ZNF423: variants seen among roughly 807,000 people sequenced by gnomAD.
ZNF423 encodes zinc finger protein 423.
ZNF423 carries 12 observed loss-of-function variants against 95.8 expected under a neutral mutation model. That is an observed-to-expected ratio of 0.13 (90% CI 0.08 to 0.20). The LOEUF is 0.20. Among genes scored for constraint, ZNF423 ranks in the 10% least tolerant of loss-of-function variants. The pLI, the probability that ZNF423 is intolerant of heterozygous loss-of-function variation, is 1.00. For synonymous variants in ZNF423, 749 were observed against 711.9 expected (o/e 1.05, Z -0.83); for missense variants, 1,316 against 1,737.1 (o/e 0.76, Z 4.31).
chr16:49,709,427 C>G (rs929836953), intron 3 of ZNF423, among the ~76,000 whole-genome samples: 2 of 151,850 alleles, frequency 1.3e-5, no homozygotes, highest in African/African-American at 4.8e-5. Context: ...ATGGAAGACA[C>G]GTTTATCAGG....
At position 49,489,752 on chromosome 16, in the gene ZNF423, C is replaced by A. The variant is rs1447258539; in HGVS notation, c.*1523G>T. 6.6e-6 allele frequency: 1 copy of A among 152,238 alleles called. No individual in the cohort carries two copies. 9.4% of individuals were successfully genotyped at this position (152,238 alleles called of 1,614,324 possible). On this transcript the variant is annotated 3_prime_UTR_variant, in exon 8 of 8. Coordinates refer to ENST00000563137, the MANE Select transcript of ZNF423 (RefSeq NM_001379286.1). Reference sequence around the variant, plus strand: ...GAGGGTAATAACCAATTTCCTTGCCCCTTGTGAAAAGTTAGCAAGGAAGGG... The same window carrying A: ...GAGGGTAATAACCAATTTCCTTGCCACTTGTGAAAAGTTAGCAAGGAAGGG...
intron 3 of ZNF423, among the ~76,000 whole-genome samples, chr16:49,677,305 AGAGAAAGGAG>A (rs1567284106): frequency 5.5e-5 from 5 of 91,404 alleles, no homozygotes; most frequent in Non-Finnish European, 8.5e-5. Context: ...AGAGAAGAGA[AGAGAAAGGAG>A]GGGAAGGGAG....
intron 3 of ZNF423, among the ~76,000 whole-genome samples, chr16:49,676,934 T>C (rs1471150638): frequency 6.6e-6 from 1 of 152,030 alleles, no homozygotes; most frequent in Non-Finnish European, 1.5e-5. Flanking sequence ...ATGTAGAATT[T>C]AGGCCAGGCC....
upstream of ZNF423, among the ~76,000 whole-genome samples, chr16:49,856,757 G>C (rs570306407): frequency 6.8e-6 from 1 of 147,858 alleles, no homozygotes; most frequent in Non-Finnish European, 1.5e-5. Context: ...CCCGTGCGCC[G>C]GGCCGCCGCT....
intron 2 of ZNF423, among the ~76,000 whole-genome samples, chr16:49,766,785 T>C (rs1032398729): frequency 6.6e-6 from 1 of 152,178 alleles, no homozygotes; most frequent in Admixed American, 6.5e-5. Context: ...CACAGCACTA[T>C]CTCCTTTCTC....
intron 1 of ZNF423, among the ~76,000 whole-genome samples, chr16:49,827,167 C>T (rs1303309551): frequency 2.0e-5 from 3 of 152,116 alleles, no homozygotes; most frequent in Admixed American, 6.6e-5. Context: ...ATACATCTCC[C>T]GGCCCAGGTC....
intron 5 of ZNF423, among the ~76,000 whole-genome samples, chr16:49,563,344 C>G (rs1970079153): frequency 6.6e-6 from 1 of 152,124 alleles, no homozygotes; most frequent in South Asian, 2.1e-4. Flanking sequence ...AGCTCTCTTC[C>G]CTCTTATCCT....
chr16:49,572,598 C>A, intron 5 of ZNF423, among the ~76,000 whole-genome samples: 1 of 152,192 alleles, frequency 6.6e-6, no homozygotes, highest in East Asian at 1.9e-4. Context: ...CCACTGGAGT[C>A]TTTGAGAAGT....
chr16:49,644,257 TA>T (rs1973084903), intron 3 of ZNF423, among the ~76,000 whole-genome samples: 2 of 151,960 alleles, frequency 1.3e-5, no homozygotes, highest in East Asian at 1.9e-4. Flanking sequence ...AAAAGAACAC[TA>T]GGGGGACTCT....
chr16:49,771,142 G>A (rs2034025169), intron 2 of ZNF423, among the ~76,000 whole-genome samples: 1 of 148,798 alleles, frequency 6.7e-6, no homozygotes, highest in Non-Finnish European at 1.5e-5. Context: ...TCATTTGGCT[G>A]TGTCCTGTGT....
intron 7 of ZNF423, among the ~76,000 whole-genome samples, chr16:49,509,635 C>A (rs1967799617): frequency 6.6e-6 from 1 of 152,132 alleles, no homozygotes; most frequent in East Asian, 1.9e-4. Flanking sequence ...GCACCCTGGT[C>A]TCTCGTTGAT....
At chr16:49,531,334 G>A (rs2151720523) in intron 5 of ZNF423, among the ~76,000 whole-genome samples, 1 of 151,788 alleles carries the variant, frequency 6.6e-6, no homozygotes, top group African/African-American at 2.4e-5. Context: ...CACACACACT[G>A]TAAATGGGCG....
rs1338936723 is a variant in ZNF423 at position 49,635,563 on chromosome 16, T to G, written c.3516+97A>C. 1 of 1,459,676 alleles carries G rather than the reference T, an allele frequency of 6.9e-7. No individual in the cohort carries two copies. Among genetic ancestry groups the G allele is most frequent in the African/African-American group, 1.4e-5 (1 of 70,134 alleles). 90.4% of individuals were successfully genotyped at this position (1,459,676 alleles called of 1,614,324 possible). ...TTTGCCACTGCGCGATAGCGCCGCT[T>G]CTTGGAAACACGGCACTCAGGGTAC... On this transcript the variant is annotated intron_variant, in intron 4 of 7. Coordinates refer to ENST00000563137, the MANE Select transcript of ZNF423 (RefSeq NM_001379286.1). The surrounding 1 kb of genome is among the most constrained non-coding windows in gnomAD (Gnocchi z 4.8).
chr16:49,824,379 G>C (rs969152157), intron 1 of ZNF423, among the ~76,000 whole-genome samples: 2 of 152,142 alleles, frequency 1.3e-5, no homozygotes, highest in African/African-American at 4.8e-5. Context: ...ACAAGAGACA[G>C]AGCCAGGTTT....
chr16:49,606,630 G>A (rs1193318761), intron 5 of ZNF423, among the ~76,000 whole-genome samples: 1 of 152,170 alleles, frequency 6.6e-6, no homozygotes, highest in Non-Finnish European at 1.5e-5. Context: ...TTTGCTAGGT[G>A]GTTAGGAAGC....
At chr16:49,715,440 G>A (rs567801745) in intron 3 of ZNF423, among the ~76,000 whole-genome samples, 33 of 152,260 alleles carry the variant, frequency 2.2e-4, no homozygotes, top group Admixed American at 1.7e-3. Context: ...GCCTGTTGAC[G>A]GCTCAAGAGG....
chr16:49,584,249 C>G (rs1277825228), intron 5 of ZNF423, among the ~76,000 whole-genome samples: 2 of 152,160 alleles, frequency 1.3e-5, no homozygotes, highest in African/African-American at 4.8e-5. Context: ...CCCATCGTGT[C>G]CCTTAGTAGC....
At chr16:49,606,891 T>C (rs1408871178) in intron 5 of ZNF423, among the ~76,000 whole-genome samples, 5 of 152,014 alleles carry the variant, frequency 3.3e-5, no homozygotes, top group African/African-American at 9.7e-5. Context: ...GTGAAGGCCA[T>C]TGGAACCAGA....
At position 49,635,526 on chromosome 16, in the gene ZNF423, C is replaced by T. The variant is rs1368852110; in HGVS notation, c.3516+134G>A. 4.3e-5 allele frequency: 51 copies of T among 1,172,840 alleles called. No individual in the cohort carries two copies. The highest frequency in any genetic ancestry group is 5.8e-5 in the Non-Finnish European group (50 of 866,774). 72.7% of individuals were successfully genotyped at this position (1,172,840 alleles called of 1,614,324 possible). A position where few individuals can be genotyped will look rare whatever the true frequency, so the allele number is the denominator to read the frequency against. Reference sequence around the variant, plus strand: ...GTTCAAACTCAAGGAGTCTACAGCACAGCAGTTCTGTTTTGCCACTGCGCG... The same window carrying T: ...GTTCAAACTCAAGGAGTCTACAGCATAGCAGTTCTGTTTTGCCACTGCGCG... On this transcript the variant is annotated intron_variant, in intron 4 of 7. Transcript: ENST00000563137. This position sits in a 1 kb window ranked among gnomAD's most constrained non-coding sequence, Gnocchi z 4.8.
Sources: gnomAD v4.1 joint callset for allele counts (sites outside exome capture counted in the v4.1 genomes callset) on GRCh38, gnomAD v4.1.1 for gene constraint, Gnocchi (gnomAD v3.1) non-coding constraint, MANE v1.5 for transcripts, NCBI Gene and HGNC (gene_info 2026-07-23, HGNC 2026-07-21) for gene names.